COL26A1: variants seen among roughly 807,000 people sequenced by gnomAD.
The protein encoded by COL26A1 is collagen alpha-1(XXVI) chain.
Under a neutral mutation model 59.3 loss-of-function variants are expected in COL26A1, and 41 were observed. The observed-to-expected ratio is 0.69, with a 90% confidence interval of 0.54 to 0.90. COL26A1 has a LOEUF of 0.90. Ranked by LOEUF, COL26A1 falls within the 40% of genes least tolerant of loss-of-function variation. The pLI, the probability that COL26A1 is intolerant of heterozygous loss-of-function variation, is 0.00. For missense variants in COL26A1, 612 were observed against 602.3 expected (o/e 1.02, Z -0.17); for synonymous variants, 266 against 256.0 (o/e 1.04, Z -0.37).
chr7:101,455,041 C>CTTTTTTT (rs56039517), intron 3 of COL26A1, among the ~76,000 whole-genome samples: 1 of 134,040 alleles, frequency 7.5e-6, no homozygotes, highest in Non-Finnish European at 1.6e-5. Flanking sequence ...TTTTCTTTAT[C>CTTTTTTT]TTTTTTTTTT....
intron 5 of COL26A1, among the ~76,000 whole-genome samples, chr7:101,542,392 C>T (rs1795636026): frequency 6.6e-6 from 1 of 152,190 alleles, no homozygotes. Context: ...TGAGCTAGCG[C>T]ACCCAGCCTA....
At chr7:101,422,157 C>T (rs753043094) in intron 2 of COL26A1, among the ~76,000 whole-genome samples, 3 of 151,840 alleles carry the variant, frequency 2.0e-5, no homozygotes, top group Non-Finnish European at 4.4e-5. Flanking sequence ...ACTAAAAATA[C>T]GAAAATTAGC....
In COL26A1 at chr7:101,470,555, G is replaced by A. The variant is rs191189271; in HGVS notation, c.385+22768G>A. 2.4e-4 allele frequency among the ~76,000 whole-genome samples: 37 copies of A among 151,754 alleles called. 3 individuals carry two copies. The highest frequency in any genetic ancestry group is 8.7e-4 in the African/African-American group (36 of 41,432). On this transcript the variant is annotated intron_variant, in intron 3 of 12. Coordinates refer to ENST00000313669, the MANE Select transcript of COL26A1 (RefSeq NM_001278563.3). ...TAAAAGGGAAACCTTGCCAAGGACTGTATCGCCGTTGCTCTCTGCCTAAAT... is the reference window on the plus strand; with the variant it reads ...TAAAAGGGAAACCTTGCCAAGGACTATATCGCCGTTGCTCTCTGCCTAAAT...
chr7:101,386,836 A>G (rs1460743361), intron 1 of COL26A1, among the ~76,000 whole-genome samples: 1 of 152,204 alleles, frequency 6.6e-6, no homozygotes, highest in African/African-American at 2.4e-5. Flanking sequence ...GGAGTTTGGC[A>G]GGAAAGCTCA....
intron 3 of COL26A1, among the ~76,000 whole-genome samples, chr7:101,451,567 A>G (rs1304572298): frequency 6.7e-6 from 1 of 149,692 alleles, no homozygotes; most frequent in Admixed American, 6.7e-5. Flanking sequence ...TAACATAATT[A>G]TATATTATAC....
At chr7:101,549,374 TTTTA>T (rs1246688977) in intron 9 of COL26A1, among the ~76,000 whole-genome samples, 151 bp downstream of exon 9, 3 of 152,168 alleles carry the variant, frequency 2.0e-5, no homozygotes, top group Non-Finnish European at 4.4e-5. Flanking sequence ...TTTTATTTTG[TTTTA>T]TTTATTTTTA....
chr7:101,534,348 A>G (rs1795433246), intron 4 of COL26A1, among the ~76,000 whole-genome samples: 1 of 152,156 alleles, frequency 6.6e-6, no homozygotes, highest in South Asian at 2.1e-4. Flanking sequence ...CCCCTAGAAG[A>G]GAGCAGGGCC....
intron 3 of COL26A1, among the ~76,000 whole-genome samples, chr7:101,463,995 T>C (rs915454227): frequency 3.3e-5 from 5 of 151,068 alleles, no homozygotes; most frequent in African/African-American, 1.2e-4. Context: ...TGACAGGGTC[T>C]TGCTCTGTCA....
chr7:101,395,972 T>C (rs1313639225), intron 1 of COL26A1, among the ~76,000 whole-genome samples: 1 of 152,112 alleles, frequency 6.6e-6, no homozygotes, highest in East Asian at 1.9e-4. Context: ...TGAAAACTCC[T>C]GGTGGCCCAG....
Position 101,363,230 on chromosome 7 carries a change from G to A in COL26A1, c.158+40G>A, listed in dbSNP as rs911349331. The A allele has an allele frequency of 4.8e-6, 6 of 1,248,682 alleles. 1 individual carries two copies. In the African/African-American group the frequency reaches 8.4e-5, roughly 18 times the overall value. The allele number at this position is 1,248,682 out of a possible 1,614,324, so 77.4% of individuals were successfully genotyped here. A position where few individuals can be genotyped will look rare whatever the true frequency, so the allele number is the denominator to read the frequency against. The stretch of plus-strand genomic sequence containing the variant: ...GCCGAGGGGCCGGGGGGTGGGGGGA[G>A]GGAGCGGACAGCGGGGGCCCTGGCC... On this transcript the variant is annotated intron_variant, in intron 1 of 12. Transcript: ENST00000313669.
intron 1 of COL26A1, among the ~76,000 whole-genome samples, chr7:101,396,095 C>A (rs1791849089): frequency 6.6e-6 from 1 of 151,708 alleles, no homozygotes; most frequent in African/African-American, 2.4e-5. Context: ...CTGTTTCTAC[C>A]AAAAAACCAA....
chr7:101,438,636 T>C (rs75894082), intron 2 of COL26A1, among the ~76,000 whole-genome samples: 1,946 of 151,556 alleles, frequency 0.013, 67 homozygotes, highest in African/African-American at 0.045. Flanking sequence ...TACGCAGGCA[T>C]TCAGTGGCTA....
intron 2 of COL26A1, among the ~76,000 whole-genome samples, chr7:101,446,144 A>C (rs1793190412): frequency 6.6e-6 from 1 of 151,654 alleles, no homozygotes; most frequent in Admixed American, 6.6e-5. Flanking sequence ...GAACCCACTT[A>C]TCACCAAGGG....
intron 1 of COL26A1, among the ~76,000 whole-genome samples, chr7:101,370,422 G>T (rs2117005037): frequency 6.6e-6 from 1 of 152,232 alleles, no homozygotes; most frequent in South Asian, 2.1e-4. Context: ...CCAGGCTGGA[G>T]TGCAGTGGCA....
chr7:101,453,960 G>A (rs988217373), intron 3 of COL26A1, among the ~76,000 whole-genome samples: 2 of 152,116 alleles, frequency 1.3e-5, no homozygotes, highest in African/African-American at 4.8e-5. Flanking sequence ...AGACACCCCA[G>A]GAGTGCAGGT....
intron 3 of COL26A1, among the ~76,000 whole-genome samples, chr7:101,515,547 G>C (rs1795011368): frequency 6.6e-6 from 1 of 151,574 alleles, no homozygotes; most frequent in Non-Finnish European, 1.5e-5. Context: ...GTCTCCCAAA[G>C]TGCTGGGATT....
At chr7:101,513,984 G>A (rs951670351) in intron 3 of COL26A1, among the ~76,000 whole-genome samples, 3 of 152,062 alleles carry the variant, frequency 2.0e-5, no homozygotes, top group Admixed American at 1.3e-4. Context: ...AACAGAAATG[G>A]CTCAAAAACC....
Position 101,447,265 on chromosome 7 carries a change from T to C in COL26A1, c.282-419T>C, listed in dbSNP as rs550196338. On this transcript the variant is annotated intron_variant, in intron 2 of 12. Transcript: ENST00000313669. Reference sequence around the variant, plus strand: ...ATAGGCTGCATGACCCCGTAAACCATAATTTCTAATCCTGTAGCTAATTTA... The same window carrying C: ...ATAGGCTGCATGACCCCGTAAACCACAATTTCTAATCCTGTAGCTAATTTA... Among the ~76,000 whole-genome samples, 12 of 152,328 alleles carry C rather than the reference T, an allele frequency of 7.9e-5. No individual in the cohort carries two copies. In the South Asian group the frequency reaches 2.1e-3, roughly 26 times the overall value.
intron 1 of COL26A1, among the ~76,000 whole-genome samples, chr7:101,379,318 C>T (rs971658087): frequency 5.9e-5 from 9 of 152,186 alleles, no homozygotes; most frequent in Non-Finnish European, 1.5e-5. Flanking sequence ...GGACTCTGAA[C>T]ATGTGTGTCT....
Sources: allele counts gnomAD v4.1 joint callset (sites outside exome capture counted in the v4.1 genomes callset), GRCh38; gene constraint gnomAD v4.1.1; transcripts MANE v1.5; gene names NCBI Gene and HGNC (gene_info 2026-07-23, HGNC 2026-07-21).